ITLN1: variants seen among roughly 807,000 people sequenced by gnomAD.
ITLN1 encodes the protein intelectin-1.
ITLN1 carries 29 observed loss-of-function variants against 36.2 expected under a neutral mutation model. That is an observed-to-expected ratio of 0.80 (90% CI 0.60 to 1.09). The LOEUF (loss-of-function observed/expected upper bound fraction) is 1.09, where lower values mean the gene tolerates loss of function less well. Among genes scored for constraint, ITLN1 ranks in the 50% least tolerant of loss-of-function variants. The pLI is 0.00. For synonymous variants in ITLN1, 143 were observed against 146.5 expected, an observed-to-expected ratio of 0.98 and a Z score of 0.17; for missense variants, 358 against 405.2, an observed-to-expected ratio of 0.88 and a Z score of 1.00.
rs775213161 is a variant in ITLN1 at position 160,879,329 on chromosome 1, G to A, written c.771C>T (p.Thr257=). ...GACTCACGTGCTCAGTGTTACATCC[G>A]GTGACCCTCATTCCAGCACACAAGG... ...ANALCAGMRV[T]GCNTEHHCIG... is the part of the protein sequence containing the mutation. The change falls in exon 7 of 8, where the codon ACC becomes ACT. Residue 257 remains threonine (T), a synonymous_variant. Coordinates refer to ENST00000326245, the MANE Select transcript of ITLN1 (RefSeq NM_017625.3). The A allele has an allele frequency of 2.2e-5, 35 of 1,613,602 alleles. No homozygotes were observed. The South Asian group carries it at 2.6e-4, about 12-fold the overall frequency.
chr1:160,881,624 C>A, intron 4 of ITLN1: 1 of 487,796 alleles, frequency 2.1e-6, no homozygotes, highest in Non-Finnish European at 3.6e-6. Flanking sequence ...GCCTGGCCAA[C>A]ATGGTGAAAC....
intron 3 of ITLN1, 99 bp from the exon 4 acceptor site, chr1:160,882,303 A>C: frequency 2.7e-6 from 4 of 1,460,642 alleles, no homozygotes; most frequent in Middle Eastern, 1.8e-4. Context: ...ACATGGCCTA[A>C]AGGCTCCTGT....
At chr1:160,879,992 G>A (rs1165945919) in intron 6 of ITLN1, among the ~76,000 whole-genome samples, 1 of 152,106 alleles carries the variant, frequency 6.6e-6, no homozygotes, top group Non-Finnish European at 1.5e-5. Context: ...AGAGTGGGTT[G>A]TTAGGAGTAA....
Position 160,876,597 on chromosome 1 carries a change from A to G in ITLN1, c.*67T>C. 6.7e-7 allele frequency: 1 copy of G among 1,487,396 alleles called. No individual in the cohort carries two copies. The highest frequency in any genetic ancestry group is 9.3e-7 in the Non-Finnish European group (1 of 1,074,018). 92.1% of individuals were successfully genotyped at this position (1,487,396 alleles called of 1,614,324 possible). A position where few individuals can be genotyped will look rare whatever the true frequency, so the allele number is the denominator to read the frequency against. On this transcript the variant is annotated 3_prime_UTR_variant, in exon 8 of 8. Coordinates refer to ENST00000326245, the MANE Select transcript of ITLN1 (RefSeq NM_017625.3). ...GCCATTAACATTCTAGCTACTGGGT[A>G]AGTTGTTCTCCATCCTTGGGATCTC...
Position 160,881,189 on chromosome 1 carries a change from G to A in ITLN1, c.529C>T (p.Gln177Ter), listed in dbSNP as rs867475085. 1.4e-5 allele frequency: 22 copies of A among 1,613,466 alleles called. No individual in the cohort carries two copies. The Middle Eastern group carries it at 2.6e-3, about 194-fold the overall frequency. Residue 177 changes from glutamine to a stop codon, truncating the protein, a stop_gained, in exon 5 of 8, where the codon CAG becomes TAG. Transcript: ENST00000326245. LOFTEE classifies it high-confidence loss of function. ...LRYRTDTGFL[Q>*]TLGHNLFGIY... ...CCAAACAGATTATGTCCCAGTGTCTGGAGGAAGCCAGTGTCCGTGCGGTAC... is the reference window on the plus strand; with the variant it reads ...CCAAACAGATTATGTCCCAGTGTCTAGAGGAAGCCAGTGTCCGTGCGGTAC...
rs1016320650 is a variant in ITLN1 at position 160,883,458 on chromosome 1, C to G, written c.127G>C (p.Glu43Gln). The G allele has an allele frequency of 6.2e-7, 1 of 1,613,640 alleles. No homozygotes were observed. Residue 43 changes from glutamate (E) to glutamine (Q), a missense_variant, in exon 3 of 8, where the codon GAA becomes CAA. By Grantham distance (29) the Glu-to-Gln change is conservative. Coordinates refer to ENST00000326245, the MANE Select transcript of ITLN1 (RefSeq NM_017625.3). Reference protein sequence around the residue: ...SSPSLPRSCKEIKDECPSAFD... With the variant: ...SSPSLPRSCKQIKDECPSAFD... The stretch of plus-strand genomic sequence containing the variant: ...GCACTAGGACATTCGTCTTTGATTT[C>G]CTTGCAGCTTCTGGGCAGAGATGGA...
At chr1:160,878,430 G>A (rs544400555) in intron 7 of ITLN1, among the ~76,000 whole-genome samples, 11 of 149,632 alleles carry the variant, frequency 7.4e-5, no homozygotes, top group Admixed American at 6.6e-4. Flanking sequence ...CTGTCACCCA[G>A]GTTGGAGTGC....
At chr1:160,883,178 A>G (rs1315093021) in intron 3 of ITLN1, among the ~76,000 whole-genome samples, 1 of 152,132 alleles carries the variant, frequency 6.6e-6, no homozygotes, top group Non-Finnish European at 1.5e-5. Flanking sequence ...CCTCCATGTT[A>G]TTAAGTACAG....
intron 6 of ITLN1, among the ~76,000 whole-genome samples, chr1:160,880,305 C>CAAA (rs35460265): frequency 6.9e-6 from 1 of 145,574 alleles, no homozygotes. Flanking sequence ...AACTCCATCT[C>CAAA]AAAAAAAAAA....
Position 160,880,535 on chromosome 1 carries a change from G to A in ITLN1, c.685+53C>T, listed in dbSNP as rs1302009091. 1.9e-6 allele frequency: 3 copies of A among 1,590,406 alleles called. No homozygotes were observed. The Admixed American group carries it at 5.1e-5, about 27-fold the overall frequency. On this transcript the variant is annotated intron_variant, in intron 6 of 7. Coordinates refer to ENST00000326245, the MANE Select transcript of ITLN1 (RefSeq NM_017625.3). ...CGATGCATAACTGTTACCTAGCATA[G>A]TTGAATGTATTCCCTTTCCTACCAG...
rs1207595543 is a variant in ITLN1 at position 160,881,970 on chromosome 1, C to T, written c.392G>A (p.Ser131Asn). Residue 131 changes from serine (S) to asparagine (N), a missense_variant, in exon 4 of 8, where the codon AGC (serine) becomes AAC (asparagine). Ser to Asn is a conservative substitution (Grantham distance 46). Coordinates refer to ENST00000326245, the MANE Select transcript of ITLN1 (RefSeq NM_017625.3). ...NTFGSAEAAT[S>N]DDYKNPGYYD... ...AGTGGCACCAACCTTGTAGTCATCG[C>T]TCGTGGCCGCCTCTGCAGATCCAAA... 1.9e-6 allele frequency: 3 copies of T among 1,614,056 alleles called. No homozygotes were observed. Among genetic ancestry groups the T allele is most frequent in the African/African-American group, 2.7e-5 (2 of 74,922 alleles).
intron 2 of ITLN1, 72 bp downstream of exon 2, chr1:160,884,748 T>A: frequency 9.8e-7 from 1 of 1,016,842 alleles, no homozygotes; most frequent in Non-Finnish European, 1.5e-6. Context: ...ACATGCTCTG[T>A]GTCCTGGGAG....
At chr1:160,884,256 A>G (rs1357004603) in intron 2 of ITLN1, among the ~76,000 whole-genome samples, 2 of 152,200 alleles carry the variant, frequency 1.3e-5, no homozygotes, top group Non-Finnish European at 2.9e-5. Flanking sequence ...CTCTACTCCA[A>G]AAAGTCTGCA....
chr1:160,881,864 CACCCCT>C, intron 4 of ITLN1, 87 bp downstream of exon 4: 1 of 1,542,274 alleles, frequency 6.5e-7, no homozygotes, highest in Non-Finnish European at 8.9e-7. Flanking sequence ...GCCCATCCCA[CACCCCT>C]ACCTTCCAGC....
intron 2 of ITLN1, 122 bp downstream of exon 2, chr1:160,884,698 A>C: frequency 1.5e-6 from 1 of 670,710 alleles, no homozygotes. Context: ...AGAAATCGGC[A>C]CTCAGTCTAC....
Position 160,883,441 on chromosome 1 carries a change from A to T in ITLN1, c.144T>A (p.Cys48Ter). 1 of 1,611,474 alleles carries T rather than the reference A, an allele frequency of 6.2e-7. No individual in the cohort carries two copies. The highest frequency in any genetic ancestry group is 8.5e-7 in the Non-Finnish European group (1 of 1,177,598). ...PRSCKEIKDE[C>*]PSAFDGLYFL... The stretch of plus-strand genomic sequence containing the variant: ...TTCATCACTCACCAAATGCACTAGG[A>T]CATTCGTCTTTGATTTCCTTGCAGC... The change falls in exon 3 of 8, where the codon TGT becomes TGA. Residue 48 changes from cysteine to a stop codon, truncating the protein, a stop_gained. Coordinates refer to ENST00000326245, the MANE Select transcript of ITLN1 (RefSeq NM_017625.3). LOFTEE classifies it high-confidence loss of function.
intron 4 of ITLN1, among the ~76,000 whole-genome samples, 153 bp downstream of exon 4, chr1:160,881,804 G>GAAAAAAAA (rs56380748): frequency 8.0e-6 from 1 of 125,266 alleles, no homozygotes; most frequent in Non-Finnish European, 1.6e-5. Context: ...TCCGTCTCAA[G>GAAAAAAAA]AAAAAAAAAA....
chr1:160,884,807 CA>C lies in ITLN1; in HGVS notation c.58+12del. Reference sequence around the variant, plus strand: ...CAGCTGAAGGAACTGCTGTCCCTAGCAGCGTGACTCACCTGTACTCCATCCT... The same window carrying C: ...CAGCTGAAGGAACTGCTGTCCCTAGCGCGTGACTCACCTGTACTCCATCCT... On this transcript the variant is annotated intron_variant, in intron 2 of 7. Transcript: ENST00000326245. The C allele has an allele frequency of 1.3e-6, 2 of 1,595,820 alleles. No homozygotes were observed. The highest frequency in any genetic ancestry group is 2.2e-5 in the South Asian group (2 of 90,454).
Position 160,876,694 on chromosome 1 carries a change from A to T in ITLN1, c.912T>A (p.Thr304=), listed in dbSNP as rs769699680. 2 of 1,614,220 alleles carry T rather than the reference A, an allele frequency of 1.2e-6. No homozygotes were observed. Among genetic ancestry groups the T allele is most frequent in the Non-Finnish European group, 1.7e-6 (2 of 1,180,034 alleles). Residue 304 remains threonine, a synonymous_variant, in exon 8 of 8, where the codon ACT becomes ACA. Coordinates refer to ENST00000326245, the MANE Select transcript of ITLN1 (RefSeq NM_017625.3). ...GATAGAATAGAAGCACAGCTGCCTCAGTTATCTCACGGCTGCTGCTGTAAC... is the reference window on the plus strand; with the variant it reads ...GATAGAATAGAAGCACAGCTGCCTCTGTTATCTCACGGCTGCTGCTGTAAC... The part of the protein sequence containing the change: ...HVGYSSSREI[T]EAAVLLFYR
Sources: allele counts gnomAD v4.1 joint callset (sites outside exome capture counted in the v4.1 genomes callset), GRCh38; gene constraint gnomAD v4.1.1; transcripts MANE v1.5; gene names NCBI Gene and HGNC (gene_info 2026-07-23, HGNC 2026-07-21).